DPYD: variants seen among roughly 807,000 people sequenced by gnomAD.
The protein encoded by DPYD is dihydropyrimidine dehydrogenase, also known as dihydropyrimidine dehydrogenase [NADP(+)].
Under a neutral mutation model 116.2 loss-of-function variants are expected in DPYD, and 109 were observed. The observed-to-expected ratio is 0.94, with a 90% CI of 0.80 to 1.10. The LOEUF (loss-of-function observed/expected upper bound fraction) is 1.10. DPYD is among the 50% of genes least tolerant of loss of function. The probability of loss-of-function intolerance (pLI) is 0.00; values close to 1 mark genes in which losing one functional copy is unlikely to be tolerated. For synonymous variants in DPYD, 440 were observed against 432.0 expected (o/e 1.02, Z -0.23); for missense variants, 1,302 against 1,254.5 (o/e 1.04, Z -0.57).
chr1:97,524,718 A>T (rs1364324669), intron 12 of DPYD, among the ~76,000 whole-genome samples: 1 of 151,912 alleles, frequency 6.6e-6, no homozygotes, highest in Non-Finnish European at 1.5e-5. Flanking sequence ...ATCATCAAAC[A>T]CCCCTAGGAT....
At chr1:97,439,367 T>A (rs1675632753) in intron 14 of DPYD, among the ~76,000 whole-genome samples, 1 of 152,192 alleles carries the variant, frequency 6.6e-6, no homozygotes, top group Non-Finnish European at 1.5e-5. Flanking sequence ...GTTTAGCGAA[T>A]CTACTTGTGA....
At chr1:97,150,111 C>T (rs909021027) in intron 20 of DPYD, among the ~76,000 whole-genome samples, 2 of 152,054 alleles carry the variant, frequency 1.3e-5, no homozygotes, top group South Asian at 2.1e-4. Context: ...ACCAGTGGAA[C>T]GCTGTTCCCT....
intron 16 of DPYD, among the ~76,000 whole-genome samples, chr1:97,362,291 T>G (rs909537458): frequency 2.0e-5 from 3 of 151,902 alleles, no homozygotes; most frequent in Non-Finnish European, 2.9e-5. Flanking sequence ...CACTGCTCAA[T>G]GAAATAAAAG....
At chr1:97,917,907 G>T (rs1674300639) in intron 1 of DPYD, among the ~76,000 whole-genome samples, 1 of 152,146 alleles carries the variant, frequency 6.6e-6, no homozygotes, top group Admixed American at 6.5e-5. Context: ...CCTTTCAAGT[G>T]TGCAGATATT....
chr1:97,305,521 CT>C, intron 17 of DPYD, 143 bp from the exon 18 acceptor site: 1 of 1,113,162 alleles, frequency 9.0e-7, no homozygotes, highest in South Asian at 1.3e-5. Context: ...ACTAATTTAA[CT>C]CCTACATTTA....
intron 2 of DPYD, among the ~76,000 whole-genome samples, chr1:97,873,194 G>C (rs1298372960): frequency 4.6e-5 from 7 of 151,920 alleles, no homozygotes. Context: ...TATCACAGTG[G>C]CTGGAACATG....
At chr1:97,378,547 T>C (rs1032467605) in intron 15 of DPYD, among the ~76,000 whole-genome samples, 3 of 152,142 alleles carry the variant, frequency 2.0e-5, no homozygotes, top group African/African-American at 4.8e-5. Context: ...CTTGGCAATC[T>C]CTCATCAGGT....
chr1:97,554,058 T>C (rs940280900), intron 11 of DPYD, among the ~76,000 whole-genome samples: 1 of 152,156 alleles, frequency 6.6e-6, no homozygotes. Context: ...TTGGAACTTT[T>C]AGTCAATTTA....
chr1:97,868,147 A>T (rs1671481608), intron 2 of DPYD, among the ~76,000 whole-genome samples: 1 of 151,866 alleles, frequency 6.6e-6, no homozygotes, highest in African/African-American at 2.4e-5. Flanking sequence ...TATATAATTA[A>T]GAACAAATGT....
intron 16 of DPYD, among the ~76,000 whole-genome samples, chr1:97,314,017 C>G (rs1374340178): frequency 6.6e-6 from 1 of 151,916 alleles, no homozygotes; most frequent in Non-Finnish European, 1.5e-5. Context: ...TTCCATGGAG[C>G]CAAAATAAGC....
intron 18 of DPYD, among the ~76,000 whole-genome samples, chr1:97,250,112 C>T (rs939483482): frequency 6.6e-6 from 1 of 151,652 alleles, no homozygotes; most frequent in African/African-American, 2.4e-5. Flanking sequence ...TCTATAAAAA[C>T]ACAAAAAATA....
At chr1:97,140,492 AG>A (rs1654132432) in intron 20 of DPYD, among the ~76,000 whole-genome samples, 1 of 152,126 alleles carries the variant, frequency 6.6e-6, no homozygotes, top group African/African-American at 2.4e-5. Flanking sequence ...TTTAAGAAAA[AG>A]AGTTGGCACC....
At chr1:97,643,010 C>G (rs1329023318) in intron 8 of DPYD, among the ~76,000 whole-genome samples, 1 of 151,936 alleles carries the variant, frequency 6.6e-6, no homozygotes, top group African/African-American at 2.4e-5. Flanking sequence ...CAATACCATT[C>G]AGGACATAGG....
At chr1:97,850,080 G>T (rs1042306573) in intron 2 of DPYD, among the ~76,000 whole-genome samples, 2 of 152,200 alleles carry the variant, frequency 1.3e-5, no homozygotes, top group Non-Finnish European at 2.9e-5. Flanking sequence ...GCATTCAGCA[G>T]AGAATGGTGA....
chr1:97,704,760 T>C (rs1467708630), intron 5 of DPYD, among the ~76,000 whole-genome samples: 1 of 151,954 alleles, frequency 6.6e-6, no homozygotes, highest in Non-Finnish European at 1.5e-5. Flanking sequence ...CCTCTTTTTT[T>C]CGTTAAAGCA....
chr1:97,326,025 G>A (rs1668690684), intron 16 of DPYD, among the ~76,000 whole-genome samples: 1 of 151,562 alleles, frequency 6.6e-6, no homozygotes, highest in Non-Finnish European at 1.5e-5. Flanking sequence ...TATGGGGTGA[G>A]AGTATAAGAG....
At chr1:97,343,083 TA>T (rs1669662868) in intron 16 of DPYD, among the ~76,000 whole-genome samples, 3 of 152,208 alleles carry the variant, frequency 2.0e-5, no homozygotes, top group Admixed American at 1.3e-4. Context: ...TCCTTAATGT[TA>T]TAAAAGTCTT....
chr1:97,720,409 G>A (rs914415577), intron 5 of DPYD: 2 of 985,600 alleles, frequency 2.0e-6, no homozygotes, highest in Non-Finnish European at 2.4e-6. Flanking sequence ...TTCACAGGTA[G>A]TAAAGATCAT....
chr1:97,208,159 TTTTTC>T (rs1184737052), intron 19 of DPYD, among the ~76,000 whole-genome samples: 2 of 151,956 alleles, frequency 1.3e-5, no homozygotes, highest in African/African-American at 4.8e-5. Flanking sequence ...CTCTCTTTCT[TTTTTC>T]TTTTCTTTTC....
Sources: allele counts gnomAD v4.1 joint callset (sites outside exome capture counted in the v4.1 genomes callset), GRCh38; gene constraint gnomAD v4.1.1; transcripts MANE v1.5; gene names NCBI Gene and HGNC (gene_info 2026-07-23, HGNC 2026-07-21).